The following CSMD1 variants were observed in gnomAD, a reference collection of about 807,000 sequenced individuals.
CSMD1 encodes CUB and Sushi multiple domains 1.
A neutral mutation model predicts 417.5 loss-of-function variants in CSMD1; 213 were observed. The ratio of observed to expected loss-of-function variants is 0.51; its 90% confidence interval spans 0.46 to 0.57. CSMD1 has a LOEUF of 0.57. Ranked by LOEUF, CSMD1 falls within the 20% of genes least tolerant of loss-of-function variation. The probability of loss-of-function intolerance (pLI) is 0.00; values close to 1 mark genes in which losing one functional copy is unlikely to be tolerated. For missense variants in CSMD1, 6,923 were observed against 4,529.7 expected (o/e 1.53, Z -15.17); for synonymous variants, 2,862 against 1,736.8 (o/e 1.65, Z -16.11).
chr8:3,753,872 G>A (rs987115136), intron 6 of CSMD1, 58 bp downstream of exon 6: 2 of 1,222,966 alleles, frequency 1.6e-6, no homozygotes, highest in Non-Finnish European at 1.2e-6. Flanking sequence ...TGGCTAGAAA[G>A]GATCAAAATA....
Position 3,029,372 on chromosome 8 carries a change from C to G in CSMD1, c.7802G>C (p.Arg2601Pro). 1 of 1,611,166 alleles carries G rather than the reference C, an allele frequency of 6.2e-7. No homozygotes were observed. The highest frequency in any genetic ancestry group is 8.5e-7 in the Non-Finnish European group (1 of 1,179,368). ...GYYLEGWRLL[R>P]CQANGTWNIG... Reference sequence around the variant, plus strand: ...GTTCCACGTCCCATTGGCCTGGCACCGCAGGAGCCTCCAGCCTTCTAAGTA... The same window carrying G: ...GTTCCACGTCCCATTGGCCTGGCACGGCAGGAGCCTCCAGCCTTCTAAGTA... Residue 2601 changes from arginine (R) to proline (P), a missense_variant, in exon 51 of 70, where the codon CGG (arginine) becomes CCG (proline). By Grantham distance (103) the Arg-to-Pro change is moderately radical. Coordinates refer to ENST00000635120, the MANE Select transcript of CSMD1 (RefSeq NM_033225.6).
At chr8:3,985,457 TCA>T (rs1437687594) in intron 5 of CSMD1, among the ~76,000 whole-genome samples, 2 of 152,084 alleles carry the variant, frequency 1.3e-5, no homozygotes, top group East Asian at 1.9e-4. Context: ...GCGTGCACAC[TCA>T]CACATTTTAG....
At chr8:4,218,924 TG>T (rs1174855015) in intron 3 of CSMD1, among the ~76,000 whole-genome samples, 1 of 152,202 alleles carries the variant, frequency 6.6e-6, no homozygotes, top group African/African-American at 2.4e-5. Flanking sequence ...TCTGAACCCT[TG>T]GGGTCATTCT....
intron 52 of CSMD1, among the ~76,000 whole-genome samples, chr8:3,015,352 G>C (rs113861120): frequency 0.034 from 5,102 of 152,114 alleles, 186 homozygotes; most frequent in African/African-American, 0.093. Context: ...AGCTGTCTCT[G>C]TTTGTTTGGG....
At chr8:4,736,174 A>C (rs970309508) in intron 1 of CSMD1, among the ~76,000 whole-genome samples, 5 of 152,272 alleles carry the variant, frequency 3.3e-5, no homozygotes, top group Admixed American at 1.3e-4. Flanking sequence ...TCAAATATTA[A>C]CTTCTTCTCT....
At chr8:3,177,250 G>A (rs1237550455) in intron 37 of CSMD1, among the ~76,000 whole-genome samples, 1 of 152,172 alleles carries the variant, frequency 6.6e-6, no homozygotes, top group African/African-American at 2.4e-5. Flanking sequence ...GACGCATGGG[G>A]AGTGTGCCCT....
At chr8:4,599,924 A>C (rs1393272692) in intron 2 of CSMD1, among the ~76,000 whole-genome samples, 1 of 152,156 alleles carries the variant, frequency 6.6e-6, no homozygotes, top group Non-Finnish European at 1.5e-5. Flanking sequence ...CATAAGCTGA[A>C]CCCAGGTATG....
intron 3 of CSMD1, among the ~76,000 whole-genome samples, chr8:4,413,104 C>G (rs1796737696): frequency 6.6e-6 from 1 of 152,092 alleles, no homozygotes; most frequent in South Asian, 2.1e-4. Context: ...TTTCATGGCC[C>G]TCAAATTAAG....
intron 2 of CSMD1, among the ~76,000 whole-genome samples, chr8:4,594,040 G>T (rs1800130211): frequency 6.6e-6 from 1 of 151,910 alleles, no homozygotes. Context: ...TCCTTGGCTG[G>T]AAGAATCATC....
chr8:4,232,760 G>T (rs896567455), intron 3 of CSMD1, among the ~76,000 whole-genome samples: 1 of 152,152 alleles, frequency 6.6e-6, no homozygotes, highest in Non-Finnish European at 1.5e-5. Flanking sequence ...CTGCTATCTG[G>T]TTAAAACCCT....
At chr8:4,891,777 C>T (rs1243359144) in intron 1 of CSMD1, among the ~76,000 whole-genome samples, 2 of 152,046 alleles carry the variant, frequency 1.3e-5, no homozygotes, top group African/African-American at 4.8e-5. Context: ...TTCAGTCAAG[C>T]AATTATTTAG....
In CSMD1 at chr8:4,408,687, G is replaced by C. The variant is rs182474025; in HGVS notation, c.415+11266C>G. Among the ~76,000 whole-genome samples, 23 of 152,152 alleles carry C rather than the reference G, an allele frequency of 1.5e-4. No individual in the cohort carries two copies. The East Asian group carries it at 4.2e-3, about 28-fold the overall frequency. ...CAATAGTTCATTTTCTTGAAACCAA[G>C]AATAAGCCCATAGTTGACCAGCTCT... On this transcript the variant is annotated intron_variant, in intron 3 of 69. Transcript: ENST00000635120.
chr8:3,171,184 G>A (rs770522645), intron 37 of CSMD1, among the ~76,000 whole-genome samples: 2 of 152,174 alleles, frequency 1.3e-5, no homozygotes, highest in South Asian at 2.1e-4. Flanking sequence ...AGGCTTGAAT[G>A]CCAATTATAG....
At chr8:4,426,333 G>T (rs546434276) in intron 2 of CSMD1, among the ~76,000 whole-genome samples, 6 of 150,480 alleles carry the variant, frequency 4.0e-5, no homozygotes, top group Non-Finnish European at 8.9e-5. Context: ...TAATTATGTA[G>T]TATATAGCAT....
intron 1 of CSMD1, among the ~76,000 whole-genome samples, chr8:4,898,441 G>A (rs1048797755): frequency 3.3e-5 from 5 of 151,568 alleles, no homozygotes; most frequent in Admixed American, 1.3e-4. Flanking sequence ...CAGAAGGACC[G>A]CATGGGTGTA....
At chr8:4,419,103 T>C (rs1797106878) in intron 3 of CSMD1, among the ~76,000 whole-genome samples, 1 of 152,184 alleles carries the variant, frequency 6.6e-6, no homozygotes. Flanking sequence ...ATATATAATT[T>C]GTGACTTAGT....
chr8:4,140,579 G>C (rs181258601), intron 3 of CSMD1, among the ~76,000 whole-genome samples: 1 of 150,978 alleles, frequency 6.6e-6, no homozygotes, highest in African/African-American at 2.5e-5. Flanking sequence ...AAGGTGGGAA[G>C]ACTGCTTGAA....
rs551241833 is a variant in CSMD1, at chr8:3,574,384, G to A, written c.1344+561C>T. 5.3e-5 allele frequency among the ~76,000 whole-genome samples: 8 copies of A among 152,266 alleles called. 1 individual carries two copies. The South Asian group carries it at 1.5e-3, about 28-fold the overall frequency. On this transcript the variant is annotated intron_variant, in intron 10 of 69. Transcript: ENST00000635120. ...GCCTCTCGAATAGCTGGGATGACAG[G>A]TGCCTGCCACCAAGCCCAGCTAATT...
In CSMD1 at chr8:3,052,600, C is replaced by T. The variant is rs1269097113; in HGVS notation, c.7522G>A (p.Gly2508Arg). ...TTACTGTCCAAAGTGAACTCGTTCC[C>T]GGTAAATGAACCGTTTCCTGGGGAT... ...PESPGNGSFT[G>R]NEFTLDSKVV... The change falls in exon 50 of 70, where the codon GGG becomes AGG. Residue 2508 changes from glycine (G) to arginine (R), a missense_variant. Coordinates refer to ENST00000635120, the MANE Select transcript of CSMD1 (RefSeq NM_033225.6). 8.1e-6 allele frequency: 13 copies of T among 1,611,634 alleles called. 1 individual carries two copies. In the Middle Eastern group the frequency reaches 4.9e-4, roughly 61 times the overall value.
Sources: allele counts gnomAD v4.1 joint callset (sites outside exome capture counted in the v4.1 genomes callset), GRCh38; gene constraint gnomAD v4.1.1; transcripts MANE v1.5; gene names NCBI Gene and HGNC (gene_info 2026-07-23, HGNC 2026-07-21).